The following VPS13B variants were observed in gnomAD, a reference collection of about 807,000 sequenced individuals.
VPS13B encodes the protein intermembrane lipid transfer protein VPS13B.
A neutral mutation model predicts 426.4 loss-of-function variants in VPS13B; 285 were observed. The observed-to-expected ratio is 0.67, with a 90% CI of 0.61 to 0.74. The LOEUF (loss-of-function observed/expected upper bound fraction) is 0.74. Ranked by LOEUF, VPS13B falls within the 30% of genes least tolerant of loss-of-function variation. VPS13B has a pLI of 0.00. For synonymous variants in VPS13B, 1,676 were observed against 1,676.4 expected (o/e 1.00, Z 0.01); for missense variants, 4,537 against 4,782.6 (o/e 0.95, Z 1.51).
chr8:99,728,936 C>T (rs1047478653), intron 39 of VPS13B, among the ~76,000 whole-genome samples: 2 of 152,230 alleles, frequency 1.3e-5, no homozygotes, highest in Non-Finnish European at 1.5e-5. Flanking sequence ...TTTCTTTCCC[C>T]GTATTTGCTT....
chr8:99,426,043 C>A (rs923855717), intron 21 of VPS13B, among the ~76,000 whole-genome samples: 1 of 145,494 alleles, frequency 6.9e-6, no homozygotes, highest in Non-Finnish European at 1.5e-5. Context: ...GTATATCTAC[C>A]AATGCTATCC....
In VPS13B at chr8:99,642,205, CAGA is replaced by C. The variant is rs2133932067; in HGVS notation, c.5619_5621del (p.Glu1873del). 2 of 1,614,136 alleles carry C rather than the reference CAGA, an allele frequency of 1.2e-6. No homozygotes were observed. The highest frequency in any genetic ancestry group is 2.2e-5 in the East Asian group (1 of 44,890). The stretch of plus-strand genomic sequence containing the variant: ...CAGGCATGTATTTCCACGGTGACAG[CAGA>C]AGATCTCTTAAGGAGCAGCATTTCT... On this transcript the variant is annotated inframe_deletion, in exon 34 of 62. Coordinates refer to ENST00000357162, the MANE Select transcript of VPS13B (RefSeq NM_152564.5).
In VPS13B at chr8:99,200,661, A is replaced by G. The variant is rs1003886746; in HGVS notation, c.2515+7604A>G. 4.6e-5 allele frequency among the ~76,000 whole-genome samples: 7 copies of G among 152,160 alleles called. No individual in the cohort carries two copies. In the East Asian group the frequency reaches 5.8e-4, roughly 13 times the overall value. Reference sequence around the variant, plus strand: ...TCCCTCATGGCTAATGATATTGAGTATCTTTTTGTGTATTTATTAGCTATT... The same window carrying G: ...TCCCTCATGGCTAATGATATTGAGTGTCTTTTTGTGTATTTATTAGCTATT... On this transcript the variant is annotated intron_variant, in intron 17 of 61. Coordinates refer to ENST00000357162, the MANE Select transcript of VPS13B (RefSeq NM_152564.5).
chr8:99,820,897 G>A (rs960867750), intron 49 of VPS13B, among the ~76,000 whole-genome samples: 2 of 151,610 alleles, frequency 1.3e-5, no homozygotes, highest in African/African-American at 4.9e-5. Context: ...TATGGAATTG[G>A]AATGTTGACC....
chr8:99,022,362 AATT>A (rs1414819905), intron 2 of VPS13B, among the ~76,000 whole-genome samples: 1 of 151,814 alleles, frequency 6.6e-6, no homozygotes, highest in East Asian at 1.9e-4. Context: ...TGATTTCTTT[AATT>A]ATTGGGTTAT....
intron 39 of VPS13B, among the ~76,000 whole-genome samples, chr8:99,744,046 A>G (rs1256444938): frequency 3.3e-5 from 5 of 152,190 alleles, no homozygotes; most frequent in Non-Finnish European, 7.4e-5. Context: ...GCAACCTACA[A>G]AATGGGAGAC....
chr8:99,516,823 A>G (rs534805384), intron 29 of VPS13B, among the ~76,000 whole-genome samples: 29 of 144,444 alleles, frequency 2.0e-4, no homozygotes, highest in African/African-American at 6.8e-4. Context: ...AAAAAAGTAT[A>G]TGTAAGTTGT....
Position 99,690,619 on chromosome 8 carries a change from C to A in VPS13B, c.6047-8906C>A, listed in dbSNP as rs149376111. Among the ~76,000 whole-genome samples, 1,071 of 151,864 alleles carry A rather than the reference C, an allele frequency of 7.1e-3. 11 individuals carry two copies. The highest frequency in any genetic ancestry group is 0.024 in the African/African-American group (1,011 of 41,420). On this transcript the variant is annotated intron_variant, in intron 35 of 61. Transcript: ENST00000357162. The stretch of plus-strand genomic sequence containing the variant: ...ATCTATATATATCAAATATAATAAT[C>A]TTATATTTTATATCCAAAATATAAA...
At position 99,511,486 on chromosome 8, in the gene VPS13B, C is replaced by T; in HGVS notation, c.4607C>T (p.Thr1536Ile). The T allele has an allele frequency of 6.2e-7, 1 of 1,612,196 alleles. No individual in the cohort carries two copies. Among genetic ancestry groups the T allele is most frequent in the East Asian group, 2.2e-5 (1 of 44,832 alleles). ...TSVIRIFIPK[T>I]EEMQPTVEAN... ...GTAATCAGAATTTTTATTCCAAAAA[C>T]AGAAGAAATGCAGCCAACTGTTGAA... The change falls in exon 29 of 62, where the codon ACA (threonine) becomes ATA (isoleucine). Residue 1536 changes from threonine (T) to isoleucine (I), a missense_variant. Thr to Ile is a moderately conservative substitution (Grantham distance 89, BLOSUM62 -1). This residue lies in a region of VPS13B where 4,311 missense variants were observed against 4,474.3 expected (regional missense o/e 0.96). Coordinates refer to ENST00000357162, the MANE Select transcript of VPS13B (RefSeq NM_152564.5).
chr8:99,148,240 T>C (rs1810853139), intron 14 of VPS13B, among the ~76,000 whole-genome samples: 1 of 151,640 alleles, frequency 6.6e-6, no homozygotes, highest in Non-Finnish European at 1.5e-5. Context: ...GGCACATGCC[T>C]GTATTCCCAG....
Position 99,818,447 on chromosome 8 carries a change from G to T in VPS13B, c.8362-4G>T, listed in dbSNP as rs754333109. ...AATAGGACCCTTTGCTATTTCATGT[G>T]CAGGTGCCATCTTCAAACAGTTCCA... On this transcript the variant is annotated splice_region_variant and splice_polypyrimidine_tract_variant and intron_variant, in intron 45 of 61. Coordinates refer to ENST00000357162, the MANE Select transcript of VPS13B (RefSeq NM_152564.5). The T allele has an allele frequency of 5.0e-6, 8 of 1,613,766 alleles. No individual in the cohort carries two copies. The highest frequency in any genetic ancestry group is 6.8e-6 in the Non-Finnish European group (8 of 1,179,808).
rs34752686 is a variant in VPS13B, at chr8:99,474,183, A to ATTTTTTTTTTTTT, written c.3666+6557_3666+6569dup. Among the ~76,000 whole-genome samples, 683 of 124,864 alleles carry ATTTTTTTTTTTTT rather than the reference A, an allele frequency of 5.5e-3. 44 individuals are homozygous for ATTTTTTTTTTTTT. The highest frequency in any genetic ancestry group is 0.021 in the African/African-American group (637 of 30,664). 81.9% of individuals were successfully genotyped at this position (124,864 alleles called of 152,430 possible). A position where few individuals can be genotyped will look rare whatever the true frequency, so the allele number is the denominator to read the frequency against. ...TCTTCAAACAATGGACTGTTATCCA[A>ATTTTTTTTTTTTT]TTTTTTTTTTTTTTTTTTTTGTGGA... On this transcript the variant is annotated intron_variant, in intron 24 of 61. Transcript: ENST00000357162.
At chr8:99,868,753 T>C (rs1035641513) in intron 59 of VPS13B, among the ~76,000 whole-genome samples, 8 of 152,168 alleles carry the variant, frequency 5.3e-5, no homozygotes, top group African/African-American at 1.9e-4. Flanking sequence ...GAATGGAGAA[T>C]ACAGCAGAGA....
At chr8:99,285,919 G>C (rs950030799) in intron 19 of VPS13B, among the ~76,000 whole-genome samples, 2 of 152,112 alleles carry the variant, frequency 1.3e-5, no homozygotes, top group Non-Finnish European at 2.9e-5. Flanking sequence ...TTGTAAATAA[G>C]TGAGACTCAG....
chr8:99,144,181 C>A (rs1239450015), intron 13 of VPS13B, among the ~76,000 whole-genome samples: 1 of 151,968 alleles, frequency 6.6e-6, no homozygotes. Flanking sequence ...ATCCTTTAGA[C>A]TCAGATTGTT....
intron 25 of VPS13B, among the ~76,000 whole-genome samples, chr8:99,500,062 G>T (rs1358885361): frequency 6.6e-6 from 1 of 152,088 alleles, no homozygotes; most frequent in Non-Finnish European, 1.5e-5. Flanking sequence ...ACTTTGGTTT[G>T]TTTTGTACAG....
At position 99,776,835 on chromosome 8, in the gene VPS13B, G is replaced by A; in HGVS notation, c.7308G>A (p.Leu2436=). 6.2e-7 allele frequency: 1 copy of A among 1,614,022 alleles called. No individual in the cohort carries two copies. Among genetic ancestry groups the A allele is most frequent in the Non-Finnish European group, 8.5e-7 (1 of 1,179,968 alleles). ...ATCCACTTGTGACTCCAACAGCCCT[G>A]GCTGCCTGTACCAGAGTTGACTCCT... ...TCDPLVTPTA[L]AACTRVDSCF... Residue 2436 remains leucine, a synonymous_variant, in exon 41 of 62, where the codon CTG becomes CTA. Coordinates refer to ENST00000357162, the MANE Select transcript of VPS13B (RefSeq NM_152564.5).
chr8:99,275,055 ATTG>A, intron 18 of VPS13B, 23 bp from the exon 19 acceptor site: 1 of 1,553,862 alleles, frequency 6.4e-7, no homozygotes, highest in Non-Finnish European at 8.7e-7. Context: ...TATTTTTATT[ATTG>A]TTTTATAAAT....
chr8:99,779,229 A>G (rs968235055), intron 42 of VPS13B, among the ~76,000 whole-genome samples, 198 bp downstream of exon 42: 1 of 152,188 alleles, frequency 6.6e-6, no homozygotes, highest in African/African-American at 2.4e-5. Flanking sequence ...TGGAGAATAT[A>G]GGTTCTCTAC....
Sources: allele counts gnomAD v4.1 joint callset (sites outside exome capture counted in the v4.1 genomes callset), GRCh38; gene constraint gnomAD v4.1.1; regional missense constraint gnomAD v4.1.1; transcripts MANE v1.5; gene names NCBI Gene and HGNC (gene_info 2026-07-23, HGNC 2026-07-21).